The following PLXNA2 variants were observed in gnomAD, a reference collection of about 807,000 sequenced individuals.
PLXNA2 encodes plexin-A2.
Under a neutral mutation model 193.5 loss-of-function variants are expected in PLXNA2, and 91 were observed. That is an observed-to-expected ratio of 0.47 (90% confidence interval 0.40 to 0.56). The LOEUF (loss-of-function observed/expected upper bound fraction) is 0.56. PLXNA2 is among the 20% of genes least tolerant of loss of function. The probability of loss-of-function intolerance (pLI) is 0.00; values close to 1 mark genes in which losing one functional copy is unlikely to be tolerated. For synonymous variants in PLXNA2, 997 were observed against 1,027.3 expected, an observed-to-expected ratio of 0.97 and a Z score of 0.56; for missense variants, 1,995 against 2,503.2, an observed-to-expected ratio of 0.80 and a Z score of 4.33.
chr1:208,046,520 G>C (rs1021383364), intron 17 of PLXNA2, among the ~76,000 whole-genome samples: 5 of 152,020 alleles, frequency 3.3e-5, no homozygotes, highest in African/African-American at 1.2e-4. Context: ...GCCCTGGTAG[G>C]GAAGTACCAG....
Position 208,027,998 on chromosome 1 carries a change from C to A in PLXNA2, c.5589+11G>T. 6.4e-7 allele frequency: 1 copy of A among 1,556,592 alleles called. No individual in the cohort carries two copies. Among genetic ancestry groups the A allele is most frequent in the Non-Finnish European group, 8.7e-7 (1 of 1,148,554 alleles). On this transcript the variant is annotated intron_variant, in intron 31 of 31. Transcript: ENST00000367033. ...CTGTTGGTTTCTGTCCCTGCTGGGG[C>A]CCTGTCTCACCTCCTCACTATACTT...
intron 12 of PLXNA2, among the ~76,000 whole-genome samples, chr1:208,063,103 C>T (rs531189251): frequency 6.6e-6 from 1 of 152,358 alleles, no homozygotes; most frequent in East Asian, 1.9e-4. Flanking sequence ...CCCAAAGGAA[C>T]TGACAAAACC....
intron 31 of PLXNA2, among the ~76,000 whole-genome samples, chr1:208,027,725 T>C (rs657778): frequency 0.96 from 145,923 of 152,314 alleles, 70,207 homozygotes; most frequent in East Asian, 1. Flanking sequence ...AAGAATAGTT[T>C]GATTCATTAA....
chr1:208,108,413 G>A (rs1422720491), intron 4 of PLXNA2, among the ~76,000 whole-genome samples: 1 of 152,164 alleles, frequency 6.6e-6, no homozygotes, highest in East Asian at 1.9e-4. Flanking sequence ...ACTCCCATCA[G>A]GAGCAGACAC....
At chr1:208,131,292 G>A (rs1469452405) in intron 4 of PLXNA2, among the ~76,000 whole-genome samples, 12 of 152,134 alleles carry the variant, frequency 7.9e-5, no homozygotes, top group East Asian at 1.9e-4. Context: ...TACAGAAACC[G>A]TCCTAGTCAT....
Position 208,069,042 on chromosome 1 carries a change from A to C in PLXNA2, c.2587-8205T>G, listed in dbSNP as rs371094781. ...GGCTAGCAGCCCTAAACCCTGCCCC[A>C]GGAGCAGTCAGTGACCACGCCCAGG... On this transcript the variant is annotated intron_variant, in intron 12 of 31. Coordinates refer to ENST00000367033, the MANE Select transcript of PLXNA2 (RefSeq NM_025179.4). 2.5e-4 allele frequency among the ~76,000 whole-genome samples: 38 copies of C among 152,340 alleles called. No homozygotes were observed. The East Asian group carries it at 6.8e-3, about 27-fold the overall frequency.
intron 4 of PLXNA2, among the ~76,000 whole-genome samples, chr1:208,118,196 T>C (rs1416707864): frequency 1.3e-5 from 2 of 152,214 alleles, no homozygotes; most frequent in African/African-American, 4.8e-5. Flanking sequence ...GCTTATTGCA[T>C]ACAGATGGAT....
intron 3 of PLXNA2, among the ~76,000 whole-genome samples, chr1:208,170,035 C>T (rs1669440855): frequency 6.6e-6 from 1 of 152,182 alleles, no homozygotes; most frequent in Admixed American, 6.5e-5. Context: ...ATTAGATATT[C>T]ACCACCTCTT....
At chr1:208,174,389 G>C (rs1669592394) in intron 3 of PLXNA2, among the ~76,000 whole-genome samples, 1 of 148,468 alleles carries the variant, frequency 6.7e-6, no homozygotes, top group South Asian at 2.2e-4. Context: ...ACAGAAGGCA[G>C]AGTCATAAGG....
intron 1 of PLXNA2, among the ~76,000 whole-genome samples, chr1:208,226,413 G>A (rs1671512663): frequency 2.0e-5 from 3 of 152,050 alleles, no homozygotes; most frequent in Non-Finnish European, 4.4e-5. Context: ...AGCTCTCCCA[G>A]GGCCTTAGCA....
intron 3 of PLXNA2, among the ~76,000 whole-genome samples, chr1:208,156,952 T>G (rs1430560202): frequency 6.6e-6 from 1 of 152,204 alleles, no homozygotes; most frequent in African/African-American, 2.4e-5. Flanking sequence ...GAATAACACA[T>G]CGAATGCTGC....
chr1:208,177,369 A>C (rs144102172), intron 3 of PLXNA2, among the ~76,000 whole-genome samples: 1,942 of 152,282 alleles, frequency 0.013, 21 homozygotes, highest in South Asian at 0.046. Flanking sequence ...TCCACCTCTG[A>C]TCAGCTGTGT....
chr1:208,089,311 A>T (rs1323284978), intron 9 of PLXNA2, among the ~76,000 whole-genome samples: 1 of 152,210 alleles, frequency 6.6e-6, no homozygotes, highest in Non-Finnish European at 1.5e-5. Context: ...GGTTGAAGTC[A>T]GGCCAGCAAG....
intron 4 of PLXNA2, among the ~76,000 whole-genome samples, chr1:208,141,897 CCAAGATTTTTATTT>C (rs1335412360): frequency 6.6e-6 from 1 of 152,238 alleles, no homozygotes; most frequent in Non-Finnish European, 1.5e-5. Flanking sequence ...AAGACTCACG[CCAAGATTTTTATTT>C]CCTTCTGGGG....
intron 4 of PLXNA2, among the ~76,000 whole-genome samples, chr1:208,126,127 C>A (rs1030560901): frequency 1.3e-5 from 2 of 152,192 alleles, no homozygotes; most frequent in South Asian, 4.1e-4. Context: ...CTGAGCCCAG[C>A]AGGCCTCAGG....
chr1:208,206,617 TA>T (rs1670734847), intron 3 of PLXNA2, among the ~76,000 whole-genome samples: 5 of 152,356 alleles, frequency 3.3e-5, no homozygotes, highest in Admixed American at 2.6e-4. Context: ...CAGACCCTGG[TA>T]ATCTTCCTTT....
chr1:208,028,805 G>C lies in PLXNA2; in HGVS notation c.5438+25C>G, dbSNP rs1252768027. ...GAATGGGCAGGGAGACAAGGGCATG[G>C]GCCTGTCCTGAGGGTGCTACTGACC... is the stretch of plus-strand genomic sequence containing the variant. On this transcript the variant is annotated intron_variant, in intron 30 of 31. Coordinates refer to ENST00000367033, the MANE Select transcript of PLXNA2 (RefSeq NM_025179.4). This position sits in a 1 kb window ranked among gnomAD's most constrained non-coding sequence, Gnocchi z 4.2. 1.9e-6 allele frequency: 3 copies of C among 1,600,582 alleles called. No individual in the cohort carries two copies. In the East Asian group the frequency reaches 6.7e-5, roughly 36 times the overall value.
chr1:208,192,379 A>G (rs867165694), intron 3 of PLXNA2, among the ~76,000 whole-genome samples: 1 of 151,914 alleles, frequency 6.6e-6, no homozygotes, highest in Non-Finnish European at 1.5e-5. Flanking sequence ...AGGTATGCCT[A>G]TTACCCAGGG....
chr1:208,160,213 A>ACC (rs5780437), intron 3 of PLXNA2, among the ~76,000 whole-genome samples: 3 of 150,512 alleles, frequency 2.0e-5, no homozygotes, highest in African/African-American at 7.4e-5. Flanking sequence ...CATTAGTACA[A>ACC]CCCCCCCCGC....
Sources: gnomAD v4.1 joint callset for allele counts (sites outside exome capture counted in the v4.1 genomes callset) on GRCh38, gnomAD v4.1.1 for gene constraint, Gnocchi (gnomAD v3.1) non-coding constraint, MANE v1.5 for transcripts, NCBI Gene and HGNC (gene_info 2026-07-23, HGNC 2026-07-21) for gene names.